The following IGF2BP2 variants were observed in gnomAD, a reference collection of about 807,000 sequenced individuals.
The protein encoded by IGF2BP2 is insulin-like growth factor 2 mRNA-binding protein 2.
Under a neutral mutation model 75.8 loss-of-function variants are expected in IGF2BP2, and 17 were observed. The observed-to-expected ratio is 0.22, with a 90% CI of 0.15 to 0.34. The LOEUF (loss-of-function observed/expected upper bound fraction) is 0.34. Ranked by LOEUF, IGF2BP2 falls within the 10% of genes least tolerant of loss-of-function variation. IGF2BP2 has a pLI of 1.00. For missense variants in IGF2BP2, 516 were observed against 772.4 expected (o/e 0.67, Z 3.93); for synonymous variants, 288 against 295.6 (o/e 0.97, Z 0.26).
chr3:185,767,218 C>T (rs987416035), intron 2 of IGF2BP2, among the ~76,000 whole-genome samples: 13 of 152,146 alleles, frequency 8.5e-5, no homozygotes, highest in African/African-American at 1.9e-4. Context: ...TCAGCCTGTC[C>T]GACAATTCTG....
intron 2 of IGF2BP2, among the ~76,000 whole-genome samples, chr3:185,700,527 C>T (rs866115951): frequency 3.9e-5 from 6 of 152,208 alleles, no homozygotes; most frequent in African/African-American, 1.4e-4. Context: ...AATAAAACTG[C>T]CAGCACCATC....
rs780675243 is a variant in IGF2BP2, at chr3:185,689,582, G to A, written c.450C>T (p.Phe150=). The stretch of plus-strand genomic sequence containing the variant: ...CTTCATCCGGGATGTAGGAAATCTT[G>A]AAGGAGTAGTTCTCAAACTGATGCC... The part of the protein sequence containing the change: ...LSGHQFENYS[F]KISYIPDEEV... Residue 150 remains phenylalanine (F), a synonymous_variant, in exon 6 of 16, where the codon TTC becomes TTT. Coordinates refer to ENST00000382199, the MANE Select transcript of IGF2BP2 (RefSeq NM_006548.6). The A allele has an allele frequency of 1.9e-6, 3 of 1,614,194 alleles. No individual in the cohort carries two copies. The Admixed American group carries it at 5.0e-5, about 27-fold the overall frequency.
chr3:185,793,957 CTTT>C (rs576340143), intron 2 of IGF2BP2, among the ~76,000 whole-genome samples: 203 of 125,462 alleles, frequency 1.6e-3, no homozygotes, highest in African/African-American at 4.3e-3. Flanking sequence ...AAGCAGATTC[CTTT>C]TTTTTTTTTT....
At chr3:185,721,079 G>C (rs1726459548) in intron 2 of IGF2BP2, among the ~76,000 whole-genome samples, 1 of 152,188 alleles carries the variant, frequency 6.6e-6, no homozygotes, top group Non-Finnish European at 1.5e-5. Flanking sequence ...TGTCAATAGA[G>C]TAAGAAGCCC....
At chr3:185,677,068 T>TATATATATATATAGAGAGAGGGAGAG in intron 7 of IGF2BP2, among the ~76,000 whole-genome samples, 1 of 35,876 alleles carries the variant, frequency 2.8e-5, no homozygotes, top group Non-Finnish European at 4.6e-5. Flanking sequence ...TATATATATA[T>TATATATATATATAGAGAGAGGGAGAG]AGAGAGAGAG....
At chr3:185,702,127 C>T (rs146743912) in intron 2 of IGF2BP2, among the ~76,000 whole-genome samples, 1 of 152,180 alleles carries the variant, frequency 6.6e-6, no homozygotes, top group East Asian at 1.9e-4. Flanking sequence ...GTGCTGTGTC[C>T]CCTCAACCCC....
intron 12 of IGF2BP2, among the ~76,000 whole-genome samples, chr3:185,656,097 CCT>C (rs1715394053): frequency 6.6e-6 from 1 of 152,242 alleles, no homozygotes; most frequent in Non-Finnish European, 1.5e-5. Flanking sequence ...TTGAAACGGT[CCT>C]TTCTCCTGCC....
chr3:185,669,314 C>T (rs1718152931), intron 10 of IGF2BP2, among the ~76,000 whole-genome samples: 1 of 151,650 alleles, frequency 6.6e-6, no homozygotes, highest in Non-Finnish European at 1.5e-5. Flanking sequence ...ATTTCCATTC[C>T]AAGAGTGAAA....
chr3:185,726,623 T>C (rs1444117987), intron 2 of IGF2BP2, among the ~76,000 whole-genome samples: 1 of 152,206 alleles, frequency 6.6e-6, no homozygotes, highest in East Asian at 1.9e-4. Context: ...TTCTTAACAT[T>C]TGCTGAACTC....
intron 2 of IGF2BP2, among the ~76,000 whole-genome samples, chr3:185,707,443 G>C (rs1044276192): frequency 6.6e-6 from 1 of 151,212 alleles, no homozygotes; most frequent in Non-Finnish European, 1.5e-5. Context: ...TGAGTAGCTG[G>C]GACTACAGGC....
At chr3:185,739,812 A>T (rs1239415105) in intron 2 of IGF2BP2, among the ~76,000 whole-genome samples, 1 of 151,982 alleles carries the variant, frequency 6.6e-6, no homozygotes, top group Non-Finnish European at 1.5e-5. Context: ...ATTAAAAATA[A>T]ATATACCATC....
At chr3:185,654,742 C>G (rs1416239905) in intron 12 of IGF2BP2, among the ~76,000 whole-genome samples, 1 of 152,206 alleles carries the variant, frequency 6.6e-6, no homozygotes, top group Non-Finnish European at 1.5e-5. Flanking sequence ...GCCAAGATCA[C>G]AGGGTAAGCA....
chr3:185,699,867 A>T (rs1723058755), intron 2 of IGF2BP2, among the ~76,000 whole-genome samples: 1 of 152,212 alleles, frequency 6.6e-6, no homozygotes, highest in Non-Finnish European at 1.5e-5. Context: ...GAAAGCTTTG[A>T]ATGACTTAGA....
intron 2 of IGF2BP2, among the ~76,000 whole-genome samples, chr3:185,777,402 G>GTCCCAGCT (rs1578267251): frequency 1.3e-5 from 2 of 152,212 alleles, no homozygotes; most frequent in East Asian, 3.9e-4. Context: ...TATTCAGGAG[G>GTCCCAGCT]ATGGCTTGGG....
chr3:185,807,892 ACTGCCATCTC>A (rs1739233396), intron 2 of IGF2BP2, among the ~76,000 whole-genome samples: 1 of 152,206 alleles, frequency 6.6e-6, no homozygotes, highest in Non-Finnish European at 1.5e-5. Context: ...TGGCAGCTTG[ACTGCCATCTC>A]CTGAAAGATG....
chr3:185,740,297 A>G (rs1403546555), intron 2 of IGF2BP2, among the ~76,000 whole-genome samples: 1 of 152,214 alleles, frequency 6.6e-6, no homozygotes, highest in African/African-American at 2.4e-5. Context: ...AAAACACTAA[A>G]CCATTCATTT....
intron 2 of IGF2BP2, among the ~76,000 whole-genome samples, chr3:185,698,945 GC>G (rs1456793994): frequency 6.6e-6 from 1 of 152,138 alleles, no homozygotes; most frequent in Non-Finnish European, 1.5e-5. Context: ...CTCCCAAGTA[GC>G]TGGGATTACA....
In IGF2BP2 at chr3:185,790,676, G is replaced by C. The variant is rs541010390; in HGVS notation, c.239+32477C>G. ...GTTAAATCTGCTCAATTCTACCTAA[G>C]ATTGGGGAGCTATGAATAGAAACAG... On this transcript the variant is annotated intron_variant, in intron 2 of 15. Coordinates refer to ENST00000382199, the MANE Select transcript of IGF2BP2 (RefSeq NM_006548.6). 1.5e-3 allele frequency among the ~76,000 whole-genome samples: 227 copies of C among 152,286 alleles called. 1 individual carries two copies. Among genetic ancestry groups the C allele is most frequent in the African/African-American group, 5.4e-3 (224 of 41,560 alleles).
At chr3:185,726,922 G>T (rs1011290633) in intron 2 of IGF2BP2, among the ~76,000 whole-genome samples, 11 of 152,180 alleles carry the variant, frequency 7.2e-5, no homozygotes, top group Non-Finnish European at 1.2e-4. Flanking sequence ...GGAAACAACA[G>T]AAGAAATTAC....
Sources: allele counts gnomAD v4.1 joint callset (sites outside exome capture counted in the v4.1 genomes callset), GRCh38; gene constraint gnomAD v4.1.1; transcripts MANE v1.5; gene names NCBI Gene and HGNC (gene_info 2026-07-23, HGNC 2026-07-21).